Variants in GATAD1 observed in about 807,000 individuals in gnomAD.
The protein encoded by GATAD1 is GATA zinc finger domain-containing protein 1.
In GATAD1, 12 loss-of-function variants were observed where a neutral mutation model predicts 26.5. The ratio of observed to expected loss-of-function variants is 0.45; its 90% confidence interval spans 0.29 to 0.73. GATAD1 has a LOEUF of 0.73. GATAD1 is among the 30% of genes least tolerant of loss of function. The pLI, the probability that GATAD1 is intolerant of heterozygous loss-of-function variation, is 0.10. For missense variants in GATAD1, 266 were observed against 342.1 expected (o/e 0.78, Z 1.75); for synonymous variants, 129 against 133.1 (o/e 0.97, Z 0.21).
In GATAD1 at chr7:92,457,677, A is replaced by AT. The variant is rs1160103008; in HGVS notation, c.*1116dup. 1 of 152,228 alleles carries AT rather than the reference A, an allele frequency of 6.6e-6. No individual in the cohort carries two copies. Among genetic ancestry groups the AT allele is most frequent in the African/African-American group, 2.4e-5 (1 of 41,450 alleles). 9.4% of individuals were successfully genotyped at this position (152,228 alleles called of 1,614,324 possible). The stretch of plus-strand genomic sequence containing the variant: ...ATAAGAACAAAATATTAATTAAGGT[A>AT]TAGATGACTGACCAAGGGCTTAATC... On this transcript the variant is annotated 3_prime_UTR_variant, in exon 5 of 5. Transcript: ENST00000287957.
chr7:92,489,521 G>A, the GATAD1 span: 2 of 1,148,900 alleles, frequency 1.7e-6, no homozygotes, highest in Admixed American at 1.9e-5. Flanking sequence ...TTTTTCAAGA[G>A]ACCATACGTT....
At chr7:92,473,047 T>C in the GATAD1 span, 2 of 152,162 alleles carry the variant, frequency 1.3e-5, no homozygotes, top group Non-Finnish European at 2.9e-5. Flanking sequence ...TGGGGTAAAA[T>C]AGTCCAGGTG....
intron 1 of GATAD1, 31 bp from the exon 2 acceptor site, chr7:92,448,721 C>T (rs980093443): frequency 6.3e-7 from 1 of 1,592,852 alleles, no homozygotes; most frequent in Non-Finnish European, 8.6e-7. Flanking sequence ...ACTTCTTTCT[C>T]TTTTTGTTCT....
chr7:92,450,960 A>T (rs1300433368), intron 3 of GATAD1, among the ~76,000 whole-genome samples, 200 bp downstream of exon 3: 1 of 152,226 alleles, frequency 6.6e-6, no homozygotes, highest in East Asian at 1.9e-4. Flanking sequence ...GGGAGGAGAA[A>T]GTGCCTACTG....
rs1169714603 is a variant in GATAD1 at position 92,458,741 on chromosome 7, CTT to C, written c.*2181_*2182del. ...GGTAGCTACACGTACATAATTATCT[CTT>C]TATTCACAAAGGGTATAGTAAAATT... is the stretch of plus-strand genomic sequence containing the variant. On this transcript the variant is annotated 3_prime_UTR_variant, in exon 5 of 5. Transcript: ENST00000287957. 6.6e-6 allele frequency: 1 copy of C among 152,202 alleles called. No individual in the cohort carries two copies. The highest frequency in any genetic ancestry group is 1.5e-5 in the Non-Finnish European group (1 of 68,040). 9.4% of individuals were successfully genotyped at this position (152,202 alleles called of 1,614,324 possible). A position where few individuals can be genotyped will look rare whatever the true frequency, so the allele number is the denominator to read the frequency against.
the GATAD1 span, chr7:92,491,422 T>C: frequency 1.2e-6 from 2 of 1,613,712 alleles, no homozygotes; most frequent in African/African-American, 2.7e-5. Flanking sequence ...CATCTCCAGC[T>C]GAATCGTCAG....
At position 92,454,041 on chromosome 7, in the gene GATAD1, T is replaced by C. The variant is rs372176293; in HGVS notation, c.436-461T>C. ...AACTCTGGTCTTTGATGATGCTATG[T>C]CAGTGTACGTTCATCCGTGTAACAA... On this transcript the variant is annotated intron_variant, in intron 3 of 4. Transcript: ENST00000287957. 5.8e-5 allele frequency: 11 copies of C among 188,222 alleles called. No individual in the cohort carries two copies. In the East Asian group the frequency reaches 1.1e-3, roughly 19 times the overall value. The allele number at this position is 188,222 out of a possible 1,614,324, so 11.7% of individuals were successfully genotyped here.
chr7:92,494,698 T>C, the GATAD1 span: 1 of 1,185,588 alleles, frequency 8.4e-7, no homozygotes, highest in African/African-American at 1.5e-5. Context: ...TTCATATACA[T>C]ATATGAATGT....
chr7:92,477,784 C>T, the GATAD1 span: 19 of 181,584 alleles, frequency 1.0e-4, no homozygotes, highest in East Asian at 2.7e-3. Flanking sequence ...GAGTCAGCGG[C>T]AGGTCTGCGG....
chr7:92,457,562 T>C lies in GATAD1; in HGVS notation c.*1000T>C, dbSNP rs1417736348. 6.6e-6 allele frequency: 1 copy of C among 152,356 alleles called. No homozygotes were observed. The highest frequency in any genetic ancestry group is 1.9e-4 in the East Asian group (1 of 5,194). The allele number at this position is 152,356 out of a possible 1,614,324, so 9.4% of individuals were successfully genotyped here. A position where few individuals can be genotyped will look rare whatever the true frequency, so the allele number is the denominator to read the frequency against. ...TGTGTATCTTCCTAGGCAAAAGCTG[T>C]AATTTCCAGAGAGACCATTAGGAAC... On this transcript the variant is annotated 3_prime_UTR_variant, in exon 5 of 5. Coordinates refer to ENST00000287957, the MANE Select transcript of GATAD1 (RefSeq NM_021167.5).
At chr7:92,476,111 T>G in the GATAD1 span, among the ~76,000 whole-genome samples, 1 of 152,234 alleles carries the variant, frequency 6.6e-6, no homozygotes, top group East Asian at 1.9e-4. Context: ...CGGACCTTTG[T>G]ATGGTAATTA....
At chr7:92,494,083 G>T in the GATAD1 span, 1 of 541,806 alleles carries the variant, frequency 1.8e-6, no homozygotes, top group Admixed American at 3.1e-5. Flanking sequence ...AACACAGAAG[G>T]ATTACAAAGT....
the GATAD1 span, chr7:92,490,223 T>C: frequency 5.8e-6 from 2 of 343,964 alleles, no homozygotes; most frequent in Non-Finnish European, 5.3e-6. Flanking sequence ...AAAGTAAAGT[T>C]ATACTAAGTT....
chr7:92,459,253 G>A lies in GATAD1; in HGVS notation c.*2691G>A. The A allele has an allele frequency of 6.6e-6, 1 of 151,112 alleles. No homozygotes were observed. The highest frequency in any genetic ancestry group is 2.4e-5 in the African/African-American group (1 of 41,154). 9.4% of individuals were successfully genotyped at this position (151,112 alleles called of 1,614,324 possible). A position where few individuals can be genotyped will look rare whatever the true frequency, so the allele number is the denominator to read the frequency against. On this transcript the variant is annotated 3_prime_UTR_variant, in exon 5 of 5. Transcript: ENST00000287957. Reference sequence around the variant, plus strand: ...AAAAAAAAAAAAAGATTTTGGAGTAGATTCATCATTAATAAGTAACAGATT... The same window carrying A: ...AAAAAAAAAAAAAGATTTTGGAGTAAATTCATCATTAATAAGTAACAGATT...
chr7:92,469,021 G>C, the GATAD1 span: 1 of 727,520 alleles, frequency 1.4e-6, no homozygotes, highest in Non-Finnish European at 2.5e-6. Flanking sequence ...AGCTGCTAGA[G>C]GTCCTAAGAA....
chr7:92,489,403 T>G, the GATAD1 span: 1 of 1,613,214 alleles, frequency 6.2e-7, no homozygotes, highest in Non-Finnish European at 8.5e-7. Context: ...TTGGTCCTGG[T>G]TGGTTCATGG....
chr7:92,451,481 GGACAGT>G (rs1349597008), intron 3 of GATAD1, among the ~76,000 whole-genome samples: 1 of 152,156 alleles, frequency 6.6e-6, no homozygotes, highest in Non-Finnish European at 1.5e-5. Flanking sequence ...GTCATTTAGG[GGACAGT>G]GGTGTGAGTT....
At chr7:92,475,076 T>C in the GATAD1 span, 1 of 152,168 alleles carries the variant, frequency 6.6e-6, no homozygotes, top group Admixed American at 6.5e-5. Flanking sequence ...TTGTGAGTTG[T>C]CTCTTAATGA....
At chr7:92,487,807 A>C in the GATAD1 span, among the ~76,000 whole-genome samples, 1 of 152,230 alleles carries the variant, frequency 6.6e-6, no homozygotes, top group African/African-American at 2.4e-5. Flanking sequence ...TATAACTTCT[A>C]CACTTTAATC....
Sources: gnomAD v4.1 joint callset for allele counts (sites outside exome capture counted in the v4.1 genomes callset) on GRCh38, gnomAD v4.1.1 for gene constraint, MANE v1.5 for transcripts, NCBI Gene and HGNC (gene_info 2026-07-23, HGNC 2026-07-21) for gene names.